Variants in RPS6KC1 observed in about 807,000 individuals in gnomAD.
RPS6KC1 encodes inactive ribosomal protein S6 kinase delta-1.
Under a neutral mutation model 103.8 loss-of-function variants are expected in RPS6KC1, and 54 were observed. The ratio of observed to expected loss-of-function variants is 0.52; its 90% confidence interval spans 0.42 to 0.65. The LOEUF (loss-of-function observed/expected upper bound fraction) is 0.65, where lower values mean the gene tolerates loss of function less well. RPS6KC1 is among the 30% of genes least tolerant of loss of function. The pLI is 0.00. For synonymous variants in RPS6KC1, 439 were observed against 438.7 expected (o/e 1.00, Z -0.01); for missense variants, 1,151 against 1,253.8 (o/e 0.92, Z 1.24).
chr1:213,805,414 T>A, the RPS6KC1 span, among the ~76,000 whole-genome samples: 1 of 152,216 alleles, frequency 6.6e-6, no homozygotes, highest in African/African-American at 2.4e-5. Context: ...TCCTTTGTTG[T>A]CATTTCAACA....
At chr1:213,523,592 T>C in the RPS6KC1 span, among the ~76,000 whole-genome samples, 4 of 152,162 alleles carry the variant, frequency 2.6e-5, no homozygotes, top group African/African-American at 9.7e-5. Flanking sequence ...GAACACAGGG[T>C]CAATAAATGT....
chr1:213,644,259 C>T, the RPS6KC1 span, among the ~76,000 whole-genome samples: 1 of 151,972 alleles, frequency 6.6e-6, no homozygotes, highest in Non-Finnish European at 1.5e-5. Context: ...GAGCAAAAGG[C>T]ACAGATTTCC....
the RPS6KC1 span, among the ~76,000 whole-genome samples, chr1:213,744,811 G>A: frequency 2.0e-5 from 3 of 152,228 alleles, no homozygotes; most frequent in Admixed American, 6.5e-5. Context: ...GCTGGTCAGC[G>A]TGGAGGCTTT....
At chr1:213,821,874 T>G in the RPS6KC1 span, 1 of 152,282 alleles carries the variant, frequency 6.6e-6, no homozygotes, top group Admixed American at 6.5e-5. Context: ...AAGACAGGAG[T>G]TGGCAGAAAT....
At chr1:213,440,715 G>T in the RPS6KC1 span, among the ~76,000 whole-genome samples, 2 of 151,896 alleles carry the variant, frequency 1.3e-5, no homozygotes, top group African/African-American at 4.8e-5. Context: ...GGCCCTGTCA[G>T]AATGGGTAGG....
chr1:213,094,476 A>T (rs188193848), intron 3 of RPS6KC1, among the ~76,000 whole-genome samples: 1 of 151,658 alleles, frequency 6.6e-6, no homozygotes, highest in South Asian at 2.1e-4. Flanking sequence ...TTTTCATAAC[A>T]CTGACATTTT....
At chr1:213,665,688 T>C in the RPS6KC1 span, among the ~76,000 whole-genome samples, 1 of 152,208 alleles carries the variant, frequency 6.6e-6, no homozygotes, top group Non-Finnish European at 1.5e-5. Context: ...CTAGGTTTGA[T>C]GCTAAAGAAG....
chr1:213,276,767 A>T (rs2095113415), downstream of RPS6KC1, among the ~76,000 whole-genome samples: 3 of 152,040 alleles, frequency 2.0e-5, no homozygotes, highest in Admixed American at 6.6e-5. Context: ...TTAAAATGAG[A>T]TATTAAAAGG....
chr1:213,669,885 G>A, the RPS6KC1 span, among the ~76,000 whole-genome samples: 1 of 151,956 alleles, frequency 6.6e-6, no homozygotes, highest in East Asian at 1.9e-4. Context: ...AACCCTATAA[G>A]GTTCACACTT....
intron 14 of RPS6KC1, among the ~76,000 whole-genome samples, chr1:213,266,955 G>A (rs146024844): frequency 9.2e-5 from 14 of 151,354 alleles, no homozygotes; most frequent in African/African-American, 3.1e-4. Flanking sequence ...AAAAACAGCC[G>A]AACTCTGGGC....
chr1:213,623,243 A>G, the RPS6KC1 span, among the ~76,000 whole-genome samples: 1 of 152,184 alleles, frequency 6.6e-6, no homozygotes, highest in African/African-American at 2.4e-5. Flanking sequence ...AGACACATCA[A>G]TCAGTCTGTC....
At chr1:213,778,139 GT>G in the RPS6KC1 span, among the ~76,000 whole-genome samples, 1 of 152,152 alleles carries the variant, frequency 6.6e-6, no homozygotes, top group African/African-American at 2.4e-5. Context: ...TTCATTTTTA[GT>G]TGATATTCAG....
intron 4 of RPS6KC1, 128 bp downstream of exon 4, chr1:213,104,697 A>T (rs1235291473): frequency 4.1e-6 from 2 of 485,650 alleles, no homozygotes; most frequent in Non-Finnish European, 7.3e-6. Flanking sequence ...ATAGCTCTAT[A>T]ATAATGTTTA....
the RPS6KC1 span, among the ~76,000 whole-genome samples, chr1:213,759,663 T>C: frequency 6.6e-6 from 1 of 152,246 alleles, no homozygotes; most frequent in Non-Finnish European, 1.5e-5. Context: ...TGGCCTGGCC[T>C]ACTCTGTCCT....
At chr1:213,342,993 A>G in the RPS6KC1 span, among the ~76,000 whole-genome samples, 8 of 152,124 alleles carry the variant, frequency 5.3e-5, no homozygotes, top group African/African-American at 7.2e-5. Flanking sequence ...ACAGAAACAA[A>G]AGTTAGTCAG....
the RPS6KC1 span, among the ~76,000 whole-genome samples, chr1:213,839,251 G>A: frequency 6.6e-6 from 1 of 152,194 alleles, no homozygotes; most frequent in Non-Finnish European, 1.5e-5. Flanking sequence ...TACTTCAGAG[G>A]AGAAGGAGAT....
chr1:213,553,527 A>T, the RPS6KC1 span, among the ~76,000 whole-genome samples: 1 of 152,172 alleles, frequency 6.6e-6, no homozygotes, highest in Non-Finnish European at 1.5e-5. Flanking sequence ...TATGCCCAGT[A>T]ATGGTATTGC....
chr1:213,229,523 A>G (rs933355359), intron 8 of RPS6KC1, among the ~76,000 whole-genome samples: 21 of 152,204 alleles, frequency 1.4e-4, no homozygotes, highest in Non-Finnish European at 2.4e-4. Flanking sequence ...GAAAAGCTGT[A>G]ACAGAGACTG....
chr1:213,437,677 T>A, the RPS6KC1 span, among the ~76,000 whole-genome samples: 1 of 151,872 alleles, frequency 6.6e-6, no homozygotes, highest in Non-Finnish European at 1.5e-5. Context: ...ATTTTTTATT[T>A]GCTATTGTGT....
Sources: allele counts gnomAD v4.1 joint callset (sites outside exome capture counted in the v4.1 genomes callset), GRCh38; gene constraint gnomAD v4.1.1; transcripts MANE v1.5; gene names NCBI Gene and HGNC (gene_info 2026-07-23, HGNC 2026-07-21).